TBC1D5: variants seen among roughly 807,000 people sequenced by gnomAD.
TBC1D5 encodes the protein TBC1 domain family member 5, also known as TBC1 domain family, member 5.
In TBC1D5, 75 loss-of-function variants were observed where a neutral mutation model predicts 100.3. The observed-to-expected ratio is 0.75, with a 90% confidence interval of 0.62 to 0.91. The LOEUF (loss-of-function observed/expected upper bound fraction) is 0.91, where lower values mean the gene tolerates loss of function less well. Ranked by LOEUF, TBC1D5 falls within the 40% of genes least tolerant of loss-of-function variation. TBC1D5 has a pLI of 0.00. For synonymous variants in TBC1D5, 323 were observed against 325.6 expected (o/e 0.99, Z 0.09); for missense variants, 910 against 942.4 (o/e 0.97, Z 0.45).
intron 21 of TBC1D5, among the ~76,000 whole-genome samples, chr3:17,163,299 C>T (rs1037149134): frequency 2.1e-4 from 31 of 145,058 alleles, no homozygotes; most frequent in South Asian, 6.7e-4. Context: ...ATCAAGAAAA[C>T]GAGCCCAAAT....
At chr3:17,528,384 T>C (rs2096169208) in intron 2 of TBC1D5, among the ~76,000 whole-genome samples, 1 of 152,244 alleles carries the variant, frequency 6.6e-6, no homozygotes, top group Middle Eastern at 3.4e-3. Flanking sequence ...GGATACAACA[T>C]TAATCCCTTA....
At chr3:17,210,767 T>C (rs1411486287) in intron 18 of TBC1D5, among the ~76,000 whole-genome samples, 2 of 152,124 alleles carry the variant, frequency 1.3e-5, no homozygotes, top group Admixed American at 1.3e-4. Context: ...ATTTTTCATA[T>C]TTGCTTTCTT....
intron 3 of TBC1D5, among the ~76,000 whole-genome samples, chr3:17,479,860 G>A (rs954001346): frequency 3.3e-5 from 5 of 152,132 alleles, no homozygotes; most frequent in African/African-American, 7.2e-5. Flanking sequence ...GCGGGAGCGA[G>A]GGACAGGCAG....
intron 2 of TBC1D5, among the ~76,000 whole-genome samples, chr3:17,602,227 C>T (rs1393176907): frequency 1.3e-5 from 2 of 152,186 alleles, no homozygotes; most frequent in African/African-American, 2.4e-5. Context: ...TAATGTGTAT[C>T]AAAACCCATG....
chr3:17,644,051 A>G (rs1427737090), intron 1 of TBC1D5: 1 of 152,052 alleles, frequency 6.6e-6, no homozygotes, highest in East Asian at 1.9e-4. Context: ...CAGTAAGGAG[A>G]TATCTCTCAG....
At chr3:17,525,067 C>T (rs965111153) in intron 2 of TBC1D5, among the ~76,000 whole-genome samples, 1 of 151,866 alleles carries the variant, frequency 6.6e-6, no homozygotes, top group Non-Finnish European at 1.5e-5. Flanking sequence ...CACAAGAAAC[C>T]AACAAAGCAT....
intron 13 of TBC1D5, chr3:17,337,645 G>A (rs1045633243): frequency 6.6e-6 from 1 of 152,038 alleles, no homozygotes; most frequent in Non-Finnish European, 1.5e-5. Flanking sequence ...TCCTAATTAA[G>A]ACAAAAGATA....
At chr3:17,714,249 A>C (rs771157802) in intron 1 of TBC1D5, among the ~76,000 whole-genome samples, 2 of 152,248 alleles carry the variant, frequency 1.3e-5, no homozygotes, top group Non-Finnish European at 2.9e-5. Context: ...AAACATGCCA[A>C]GTAGAACTAA....
intron 1 of TBC1D5, among the ~76,000 whole-genome samples, chr3:17,671,440 G>A (rs1478080358): frequency 6.6e-6 from 1 of 152,118 alleles, no homozygotes. Flanking sequence ...TCACAATAGT[G>A]AATTCACTGA....
At position 17,208,079 on chromosome 3, in the gene TBC1D5, T is replaced by A. The variant is rs964580631; in HGVS notation, c.1752+6128A>T. Among the ~76,000 whole-genome samples the A allele has an allele frequency of 2.0e-5, 3 of 152,248 alleles. No homozygotes were observed. The East Asian group carries it at 5.8e-4, about 29-fold the overall frequency. On this transcript the variant is annotated intron_variant, in intron 18 of 21. Coordinates refer to ENST00000253692, the Ensembl canonical transcript of TBC1D5. ...GGATATGGAATATCGCTGTATCACA[T>A]CACACTGGCCTGGAAACGAAAGCAA...
intron 2 of TBC1D5, among the ~76,000 whole-genome samples, chr3:17,608,543 T>C (rs1231357674): frequency 2.0e-5 from 3 of 152,228 alleles, no homozygotes; most frequent in Non-Finnish European, 4.4e-5. Context: ...CTAATATCCA[T>C]GATTATTCCT....
At position 17,194,789 on chromosome 3, in the gene TBC1D5, T is replaced by G. The variant is rs543299502; in HGVS notation, c.1753-9581A>C. ...AACATGCTTTTATACCTACTGCCAT[T>G]TTAACATTGTGAGCCATTTTAATCT... On this transcript the variant is annotated intron_variant, in intron 18 of 21. Transcript: ENST00000253692. 1.1e-4 allele frequency among the ~76,000 whole-genome samples: 17 copies of G among 152,336 alleles called. No individual in the cohort carries two copies. The East Asian group carries it at 3.3e-3, about 29-fold the overall frequency.
chr3:17,573,616 T>C (rs2096640192), intron 2 of TBC1D5, among the ~76,000 whole-genome samples: 1 of 152,092 alleles, frequency 6.6e-6, no homozygotes, highest in Non-Finnish European at 1.5e-5. Context: ...AAACTCAAAC[T>C]ACTTGCAGTT....
intron 2 of TBC1D5, among the ~76,000 whole-genome samples, chr3:17,538,601 T>C (rs1316189835): frequency 2.0e-5 from 3 of 152,202 alleles, no homozygotes; most frequent in African/African-American, 7.2e-5. Flanking sequence ...CCCTCTGCCT[T>C]AAACCAACTA....
intron 2 of TBC1D5, among the ~76,000 whole-genome samples, chr3:17,618,137 T>C (rs1434313990): frequency 6.6e-6 from 1 of 152,182 alleles, no homozygotes; most frequent in East Asian, 1.9e-4. Context: ...GTTTGTTAGT[T>C]TTCCTTCTAA....
At chr3:17,532,645 A>G (rs1199494383) in intron 2 of TBC1D5, among the ~76,000 whole-genome samples, 1 of 152,238 alleles carries the variant, frequency 6.6e-6, no homozygotes, top group Non-Finnish European at 1.5e-5. Flanking sequence ...ACCATGGAAT[A>G]CTATGCAGCC....
chr3:17,672,282 A>C (rs1280814037), intron 1 of TBC1D5, among the ~76,000 whole-genome samples: 2 of 152,248 alleles, frequency 1.3e-5, no homozygotes, highest in Non-Finnish European at 2.9e-5. Context: ...TACATTATAC[A>C]ATTTTTTAAA....
intron 2 of TBC1D5, among the ~76,000 whole-genome samples, chr3:17,590,223 T>G (rs936955949): frequency 1.3e-5 from 2 of 152,140 alleles, no homozygotes; most frequent in East Asian, 1.9e-4. Context: ...AGAACAGGCA[T>G]GGGAATGTAC....
intron 1 of TBC1D5, among the ~76,000 whole-genome samples, chr3:17,732,285 T>G (rs540930769): frequency 6.6e-6 from 1 of 151,810 alleles, no homozygotes; most frequent in African/African-American, 2.4e-5. Context: ...ACCACTGCAC[T>G]CCAGCCTGGG....
Sources: gnomAD v4.1 joint callset for allele counts (sites outside exome capture counted in the v4.1 genomes callset) on GRCh38, gnomAD v4.1.1 for gene constraint, MANE v1.5 for transcripts, NCBI Gene and HGNC (gene_info 2026-07-23, HGNC 2026-07-21) for gene names.